The following EXOC6 variants were observed in gnomAD, a reference collection of about 807,000 sequenced individuals.
EXOC6 encodes exocyst complex component 6, also known as SEC15-like 1.
In EXOC6, 60 loss-of-function variants were observed where a neutral mutation model predicts 112.5. The observed-to-expected ratio is 0.53, with a 90% CI of 0.43 to 0.66. The LOEUF is 0.66. Ranked by LOEUF, EXOC6 falls within the 30% of genes least tolerant of loss-of-function variation. The pLI is 0.00. For missense variants in EXOC6, 855 were observed against 957.1 expected (o/e 0.89, Z 1.41); for synonymous variants, 295 against 308.0 (o/e 0.96, Z 0.44).
chr10:92,935,994 A>G (rs1340882312), intron 12 of EXOC6, 109 bp downstream of exon 12: 2 of 660,902 alleles, frequency 3.0e-6, no homozygotes, highest in Non-Finnish European at 5.1e-6. Context: ...AATTAGTAGT[A>G]ATAAATGTTT....
intron 20 of EXOC6, among the ~76,000 whole-genome samples, chr10:93,016,820 T>C (rs1324348813): frequency 6.6e-6 from 1 of 151,982 alleles, no homozygotes; most frequent in South Asian, 2.1e-4. Flanking sequence ...TATTTTCTTT[T>C]TTTTTTTTTG....
chr10:93,015,536 A>G (rs1012365847), intron 20 of EXOC6, among the ~76,000 whole-genome samples: 2 of 152,188 alleles, frequency 1.3e-5, no homozygotes, highest in Non-Finnish European at 2.9e-5. Context: ...GATCAAGATC[A>G]TCTTGGCTAA....
intron 17 of EXOC6, among the ~76,000 whole-genome samples, chr10:92,967,410 G>T (rs549194048): frequency 3.9e-4 from 59 of 151,884 alleles, no homozygotes; most frequent in Admixed American, 3.3e-3. Context: ...CTCAACTTTT[G>T]GTTAATATTT....
At chr10:92,940,010 G>A (rs1266881278) in intron 12 of EXOC6, among the ~76,000 whole-genome samples, 1 of 152,070 alleles carries the variant, frequency 6.6e-6, no homozygotes, top group East Asian at 1.9e-4. Flanking sequence ...GTTTTTCTTG[G>A]CTTAAAGATG....
chr10:92,919,720 A>G (rs1010871391), intron 7 of EXOC6, among the ~76,000 whole-genome samples: 1 of 152,218 alleles, frequency 6.6e-6, no homozygotes, highest in African/African-American at 2.4e-5. Flanking sequence ...TATTAAAAAT[A>G]TACAATTTCT....
At chr10:92,827,868 T>C (rs183502785) in intron 1 of EXOC6, among the ~76,000 whole-genome samples, 30 of 152,354 alleles carry the variant, frequency 2.0e-4, no homozygotes, top group Non-Finnish European at 3.5e-4. Context: ...TTGGGAACTC[T>C]CATTCTGCCT....
chr10:92,906,816 A>G (rs1349339298), intron 5 of EXOC6, among the ~76,000 whole-genome samples: 1 of 152,192 alleles, frequency 6.6e-6, no homozygotes, highest in Non-Finnish European at 1.5e-5. Flanking sequence ...GTTAATTACA[A>G]CATGATAGCA....
chr10:92,934,010 T>C, intron 9 of EXOC6, 134 bp from the exon 10 acceptor site: 1 of 536,036 alleles, frequency 1.9e-6, no homozygotes, highest in Non-Finnish European at 3.3e-6. Context: ...GATATATCCC[T>C]GGTACCTAAA....
chr10:92,921,245 C>CTTTTTTTTT (rs11443044), intron 8 of EXOC6, among the ~76,000 whole-genome samples: 2 of 115,786 alleles, frequency 1.7e-5, no homozygotes, highest in Non-Finnish European at 3.4e-5. Context: ...TTGTCATTTC[C>CTTTTTTTTT]TTTTTTTTTT....
At chr10:93,055,654 C>T (rs1245564486) in intron 20 of EXOC6, among the ~76,000 whole-genome samples, 1 of 151,794 alleles carries the variant, frequency 6.6e-6, no homozygotes, top group East Asian at 1.9e-4. Context: ...CTTTTTCAGA[C>T]AGTATATTCT....
chr10:93,040,499 G>T (rs945786867), intron 20 of EXOC6, among the ~76,000 whole-genome samples: 1 of 152,132 alleles, frequency 6.6e-6, no homozygotes, highest in African/African-American at 2.4e-5. Context: ...CACCTGCCTT[G>T]GCCTCCCAAA....
intron 1 of EXOC6, among the ~76,000 whole-genome samples, chr10:92,864,896 G>A (rs912313866): frequency 2.0e-5 from 3 of 152,078 alleles, no homozygotes; most frequent in African/African-American, 7.2e-5. Context: ...TCATAATGGT[G>A]TGAGCCCATT....
rs749349414 is a variant in EXOC6 at position 92,928,369 on chromosome 10, C to A, written c.919C>A (p.Arg307=). Residue 307 remains arginine, a synonymous_variant, in exon 9 of 22, where the codon CGA becomes AGA. Coordinates refer to ENST00000260762, the MANE Select transcript of EXOC6 (RefSeq NM_019053.6). Reference sequence around the variant, plus strand: ...CGAGGAAACATTTGAAAACTATTATCGAAAACAAAGAAAGAAACAAGCAAG... The same window carrying A: ...CGAGGAAACATTTGAAAACTATTATAGAAAACAAAGAAAGAAACAAGCAAG... ...GDEETFENYY[R]KQRKKQARLV... 1 of 1,609,234 alleles carries A rather than the reference C, an allele frequency of 6.2e-7. No individual in the cohort carries two copies. The highest frequency in any genetic ancestry group is 8.5e-7 in the Non-Finnish European group (1 of 1,177,432).
chr10:92,849,445 T>C lies in EXOC6; in HGVS notation c.101+811T>C, dbSNP rs530578607. On this transcript the variant is annotated intron_variant, in intron 1 of 21. Coordinates refer to ENST00000260762, the MANE Select transcript of EXOC6 (RefSeq NM_019053.6). ...CCAAACTGAGTACCTGCTGTTCCAA[T>C]AGAATATTATTAGCCAGGCAACGTA... Among the ~76,000 whole-genome samples the C allele has an allele frequency of 2.0e-5, 3 of 152,324 alleles. No homozygotes were observed. The South Asian group carries it at 6.2e-4, about 32-fold the overall frequency.
chr10:92,948,573 C>CTACTACT (rs1554900785), intron 14 of EXOC6, among the ~76,000 whole-genome samples, 194 bp downstream of exon 14: 2 of 140,174 alleles, frequency 1.4e-5, no homozygotes, highest in Non-Finnish European at 1.5e-5. Context: ...CTACTACTAC[C>CTACTACT]ACTACTACTA....
chr10:92,874,701 G>C (rs1327955650), intron 1 of EXOC6, among the ~76,000 whole-genome samples: 3 of 152,122 alleles, frequency 2.0e-5, no homozygotes, highest in Non-Finnish European at 4.4e-5. Context: ...GAAAGTTACT[G>C]AGGTATTTTA....
intron 18 of EXOC6, among the ~76,000 whole-genome samples, chr10:92,976,241 G>A (rs1261946128): frequency 6.6e-6 from 1 of 152,224 alleles, no homozygotes; most frequent in Non-Finnish European, 1.5e-5. Flanking sequence ...AGGGGGGAAA[G>A]GTGGGGAAAA....
chr10:92,889,456 A>G (rs1849385778), intron 1 of EXOC6, among the ~76,000 whole-genome samples: 1 of 152,176 alleles, frequency 6.6e-6, no homozygotes, highest in Admixed American at 6.5e-5. Context: ...TTAAAAACTG[A>G]TGAACCTACA....
At chr10:92,859,673 C>T (rs1267026615) in intron 1 of EXOC6, among the ~76,000 whole-genome samples, 1 of 152,220 alleles carries the variant, frequency 6.6e-6, no homozygotes, top group African/African-American at 2.4e-5. Context: ...TTAACCTAAT[C>T]TCGGGGAATT....
Sources: allele counts gnomAD v4.1 joint callset (sites outside exome capture counted in the v4.1 genomes callset), GRCh38; gene constraint gnomAD v4.1.1; transcripts MANE v1.5; gene names NCBI Gene and HGNC (gene_info 2026-07-23, HGNC 2026-07-21).